Variants in RAB38 observed in about 807,000 individuals in gnomAD.
RAB38 encodes ras-related protein Rab-38.
In RAB38, 15 loss-of-function variants were observed where a neutral mutation model predicts 18.4. The observed-to-expected ratio is 0.82, with a 90% confidence interval of 0.55 to 1.26. RAB38 has a LOEUF of 1.26. Among genes scored for constraint, RAB38 ranks in the 50% most tolerant of loss-of-function variants. The pLI, the probability that RAB38 is intolerant of heterozygous loss-of-function variation, is 0.00. For synonymous variants in RAB38, 101 were observed against 104.4 expected (o/e 0.97, Z 0.20); for missense variants, 294 against 267.4 (o/e 1.10, Z -0.69).
At chr11:87,909,510 T>A in the RAB38 span, among the ~76,000 whole-genome samples, 9 of 152,060 alleles carry the variant, frequency 5.9e-5, no homozygotes, top group African/African-American at 2.2e-4. Context: ...TGACATACTA[T>A]ATATAGTTAA....
At chr11:87,891,495 C>T in the RAB38 span, among the ~76,000 whole-genome samples, 1 of 151,894 alleles carries the variant, frequency 6.6e-6, no homozygotes, top group Admixed American at 6.6e-5. Flanking sequence ...ATGGGTTTTG[C>T]TCTTTCCTCC....
chr11:88,030,886 G>A, the RAB38 span, among the ~76,000 whole-genome samples: 5 of 151,770 alleles, frequency 3.3e-5, no homozygotes, highest in Non-Finnish European at 7.4e-5. Flanking sequence ...TATGAGGCCA[G>A]CATCATCCTG....
chr11:87,893,302 G>GTA, the RAB38 span, among the ~76,000 whole-genome samples: 30 of 138,510 alleles, frequency 2.2e-4, no homozygotes, highest in South Asian at 4.5e-4. Flanking sequence ...GTGTGTGTGT[G>GTA]TATATATATA....
At chr11:88,096,191 T>C in the RAB38 span, among the ~76,000 whole-genome samples, 1 of 152,038 alleles carries the variant, frequency 6.6e-6, no homozygotes, top group African/African-American at 2.4e-5. Flanking sequence ...AATACCTTTC[T>C]TATTTCATTC....
the RAB38 span, among the ~76,000 whole-genome samples, chr11:88,045,161 A>T: frequency 5.3e-5 from 8 of 152,328 alleles, no homozygotes; most frequent in Middle Eastern, 3.4e-3. Context: ...CTGAAAGGTC[A>T]GAAGGCCGTC....
At chr11:88,093,743 T>C in the RAB38 span, among the ~76,000 whole-genome samples, 5 of 152,030 alleles carry the variant, frequency 3.3e-5, no homozygotes, top group East Asian at 9.7e-4. Flanking sequence ...ACCCTTATGA[T>C]GGCTTCAATC....
At chr11:88,085,012 G>A in the RAB38 span, among the ~76,000 whole-genome samples, 1 of 151,874 alleles carries the variant, frequency 6.6e-6, no homozygotes, top group Non-Finnish European at 1.5e-5. Context: ...TGGGTAATTC[G>A]ATAAGAGTTT....
the RAB38 span, among the ~76,000 whole-genome samples, chr11:88,073,564 C>A: frequency 6.6e-6 from 1 of 151,940 alleles, no homozygotes; most frequent in Admixed American, 6.6e-5. Flanking sequence ...TAATAAAAAA[C>A]AAAACAAGCC....
At chr11:88,129,851 T>G (rs941236462) in intron 2 of RAB38, among the ~76,000 whole-genome samples, 1 of 152,196 alleles carries the variant, frequency 6.6e-6, no homozygotes, top group African/African-American at 2.4e-5. Flanking sequence ...ATAATTTTAA[T>G]CTTATATTTT....
At chr11:87,873,720 T>C in the RAB38 span, among the ~76,000 whole-genome samples, 1 of 151,364 alleles carries the variant, frequency 6.6e-6, no homozygotes, top group Non-Finnish European at 1.5e-5. Context: ...ATATCCTTTT[T>C]CCATTGAATT....
At chr11:87,947,582 C>T in the RAB38 span, among the ~76,000 whole-genome samples, 37 of 151,412 alleles carry the variant, frequency 2.4e-4, no homozygotes, top group Non-Finnish European at 4.3e-4. Flanking sequence ...GTAAGGAAGG[C>T]ATCCAGTTTC....
At chr11:87,863,677 G>A in the RAB38 span, among the ~76,000 whole-genome samples, 1 of 151,732 alleles carries the variant, frequency 6.6e-6, no homozygotes, top group Non-Finnish European at 1.5e-5. Context: ...TTGCTTGATA[G>A]AATCACTTTC....
At chr11:88,133,883 C>T (rs1208588653) in intron 2 of RAB38, among the ~76,000 whole-genome samples, 1 of 152,196 alleles carries the variant, frequency 6.6e-6, no homozygotes. Context: ...TTTTGAAATA[C>T]ACCTATGCTA....
At chr11:87,918,784 G>A in the RAB38 span, among the ~76,000 whole-genome samples, 1 of 151,942 alleles carries the variant, frequency 6.6e-6, no homozygotes, top group African/African-American at 2.4e-5. Context: ...TTTATCAGAT[G>A]TATGTTTTGC....
At chr11:88,044,112 C>T in the RAB38 span, among the ~76,000 whole-genome samples, 1 of 152,184 alleles carries the variant, frequency 6.6e-6, no homozygotes, top group Non-Finnish European at 1.5e-5. Flanking sequence ...TCCATGGACT[C>T]AAAACTCTGG....
the RAB38 span, among the ~76,000 whole-genome samples, chr11:87,813,249 G>A: frequency 2.0e-5 from 3 of 152,100 alleles, no homozygotes; most frequent in Non-Finnish European, 4.4e-5. Context: ...TTTGGAAGGC[G>A]GTAAGGAGGA....
chr11:87,962,749 T>G, the RAB38 span, among the ~76,000 whole-genome samples: 3 of 152,218 alleles, frequency 2.0e-5, no homozygotes, highest in Non-Finnish European at 2.9e-5. Flanking sequence ...TGAGATTTAT[T>G]GCACAGCGTG....
At chr11:88,094,382 A>G in the RAB38 span, among the ~76,000 whole-genome samples, 1 of 151,826 alleles carries the variant, frequency 6.6e-6, no homozygotes, top group South Asian at 2.1e-4. Context: ...CATCTTCTTT[A>G]ATGATCTTGT....
intron 1 of RAB38, among the ~76,000 whole-genome samples, chr11:88,172,965 C>G (rs1162498050): frequency 6.6e-6 from 1 of 152,184 alleles, no homozygotes; most frequent in Non-Finnish European, 1.5e-5. Flanking sequence ...AATGTAACAC[C>G]ACCGCAGTAT....
Sources: allele counts gnomAD v4.1 joint callset (sites outside exome capture counted in the v4.1 genomes callset), GRCh38; gene constraint gnomAD v4.1.1; transcripts MANE v1.5; gene names NCBI Gene and HGNC (gene_info 2026-07-23, HGNC 2026-07-21).